SLC38A8: variants seen among roughly 807,000 people sequenced by gnomAD.
SLC38A8 encodes solute carrier family 38 member 8, also known as amino acid transporter SLC38A8.
A neutral mutation model predicts 46.0 loss-of-function variants in SLC38A8; 65 were observed. That is an observed-to-expected ratio of 1.41 (90% CI 1.16 to 1.74). SLC38A8 has a LOEUF of 1.74. Ranked by LOEUF, SLC38A8 falls within the 40% of genes most tolerant of loss-of-function variation. The pLI is 0.00. For synonymous variants in SLC38A8, 447 were observed against 243.7 expected, an observed-to-expected ratio of 1.83 and a Z score of -7.77; for missense variants, 998 against 567.9, an observed-to-expected ratio of 1.76 and a Z score of -7.70.
intron 7 of SLC38A8, among the ~76,000 whole-genome samples, chr16:84,019,173 C>G (rs2085067717): frequency 1.3e-5 from 2 of 151,950 alleles, no homozygotes; most frequent in African/African-American, 2.4e-5. Context: ...CTTCCAGGTT[C>G]AAGCGATTAT....
rs540722542 is a variant in SLC38A8 at position 84,035,116 on chromosome 16, C to T, written c.388+1586G>A. Among the ~76,000 whole-genome samples the T allele has an allele frequency of 3.7e-4, 56 of 152,352 alleles. 1 individual carries two copies. The highest frequency in any genetic ancestry group is 3.4e-3 in the Middle Eastern group (1 of 294). On this transcript the variant is annotated intron_variant, in intron 3 of 10. Coordinates refer to ENST00000299709, the MANE Select transcript of SLC38A8 (RefSeq NM_001080442.3). The stretch of plus-strand genomic sequence containing the variant: ...CCAGACCTGGGGTGGCCCGTATCCT[C>T]ATCCGTCCTCTGACTAGTCAGGGGG...
chr16:84,028,548 A>G (rs889735927), intron 6 of SLC38A8, among the ~76,000 whole-genome samples: 9 of 149,676 alleles, frequency 6.0e-5, no homozygotes, highest in Admixed American at 5.4e-4. Context: ...GGCAATAAGA[A>G]TGAGACTCCA....
intron 6 of SLC38A8, among the ~76,000 whole-genome samples, chr16:84,024,939 G>C (rs1035945705): frequency 2.0e-5 from 3 of 152,050 alleles, no homozygotes; most frequent in East Asian, 2.0e-4. Flanking sequence ...CCTCGGCCTC[G>C]CAAAGTGCTG....
chr16:84,017,537 C>T lies in SLC38A8; in HGVS notation c.806-250G>A, dbSNP rs766855801. ...TCAAATCGCTCACAGAGCTGGTGCA[C>T]GGAGCTCACCCACAGTGCGTGTGTT... On this transcript the variant is annotated intron_variant, in intron 7 of 10. Transcript: ENST00000299709. 2.0e-5 allele frequency among the ~76,000 whole-genome samples: 3 copies of T among 152,184 alleles called. No homozygotes were observed. The South Asian group carries it at 6.2e-4, about 32-fold the overall frequency.
At chr16:84,034,467 G>T (rs538569748) in intron 3 of SLC38A8, among the ~76,000 whole-genome samples, 1 of 152,300 alleles carries the variant, frequency 6.6e-6, no homozygotes, top group South Asian at 2.1e-4. Flanking sequence ...TGGGAGGGTG[G>T]TTGGAGGTGG....
chr16:84,022,482 G>A (rs551571402), intron 7 of SLC38A8, among the ~76,000 whole-genome samples: 29 of 152,352 alleles, frequency 1.9e-4, no homozygotes, highest in African/African-American at 5.8e-4. Context: ...CAGCAGGGCT[G>A]GGGTGTGGTG....
At chr16:84,034,881 C>A (rs1016924720) in intron 3 of SLC38A8, among the ~76,000 whole-genome samples, 2 of 152,054 alleles carry the variant, frequency 1.3e-5, no homozygotes, top group Non-Finnish European at 2.9e-5. Flanking sequence ...CAGGACTGTA[C>A]CAGCTCCTTC....
Position 84,036,687 on chromosome 16 carries a change from C to A in SLC38A8, c.388+15G>T, listed in dbSNP as rs1413317647. The A allele has an allele frequency of 1.2e-6, 2 of 1,613,826 alleles. No individual in the cohort carries two copies. The highest frequency in any genetic ancestry group is 1.7e-6 in the Non-Finnish European group (2 of 1,180,006). The stretch of plus-strand genomic sequence containing the variant: ...CGGCACCCTGGGCCACCCCGAGTCC[C>A]ATGAAGGTACTTACGCTTCTCCAGC... On this transcript the variant is annotated intron_variant, in intron 3 of 10. Transcript: ENST00000299709.
At chr16:84,026,048 C>A (rs1012219096) in intron 6 of SLC38A8, among the ~76,000 whole-genome samples, 1 of 152,266 alleles carries the variant, frequency 6.6e-6, no homozygotes, top group Admixed American at 6.5e-5. Flanking sequence ...CCATGGCAGG[C>A]TCTGCCTTCA....
At chr16:84,011,290 A>G (rs1296609078) in intron 10 of SLC38A8, among the ~76,000 whole-genome samples, 1 of 152,246 alleles carries the variant, frequency 6.6e-6, no homozygotes, top group African/African-American at 2.4e-5. Context: ...AGCTCAGATC[A>G]AGGAACAAAA....
chr16:84,020,130 C>T (rs2085078185), intron 7 of SLC38A8, among the ~76,000 whole-genome samples: 1 of 147,976 alleles, frequency 6.8e-6, no homozygotes, highest in African/African-American at 2.5e-5. Flanking sequence ...ACGCTTTCCA[C>T]AACATCCGTT....
chr16:84,034,313 G>C (rs928822811), intron 3 of SLC38A8, among the ~76,000 whole-genome samples: 2 of 152,240 alleles, frequency 1.3e-5, no homozygotes, highest in Non-Finnish European at 2.9e-5. Context: ...CTAATTCAAA[G>C]GCAAGGGACA....
At chr16:84,023,425 T>C (rs184330983) in intron 6 of SLC38A8, among the ~76,000 whole-genome samples, 42 of 152,272 alleles carry the variant, frequency 2.8e-4, no homozygotes, top group African/African-American at 1.0e-3. Context: ...ATCCTTTCAG[T>C]GTTCCGTTTT....
chr16:84,033,332 T>C lies in SLC38A8; in HGVS notation c.526A>G (p.Thr176Ala), dbSNP rs1298779727. ...APREIAFQKY[T>A]SILGTLAACY... ...AGGCAGCATCCCAGCCCTTACCTTGTGTATTTCTGGAAGGCGATCTCCCGC... is the reference window on the plus strand; with the variant it reads ...AGGCAGCATCCCAGCCCTTACCTTGCGTATTTCTGGAAGGCGATCTCCCGC... The change falls in exon 4 of 11, where the codon ACA (threonine) becomes GCA (alanine). Residue 176 changes from threonine (T) to alanine (A), a missense_variant. Thr to Ala is a moderately conservative substitution (Grantham distance 58). Coordinates refer to ENST00000299709, the MANE Select transcript of SLC38A8 (RefSeq NM_001080442.3). 1.2e-6 allele frequency: 2 copies of C among 1,614,004 alleles called. No individual in the cohort carries two copies. The highest frequency in any genetic ancestry group is 1.7e-6 in the Non-Finnish European group (2 of 1,179,990).
chr16:84,022,012 T>G (rs961970295), intron 7 of SLC38A8, among the ~76,000 whole-genome samples: 1 of 152,218 alleles, frequency 6.6e-6, no homozygotes, highest in Non-Finnish European at 1.5e-5. Context: ...ATGAATAGAT[T>G]AATCCATTCT....
At chr16:84,031,311 G>C (rs1306026388) in intron 5 of SLC38A8, among the ~76,000 whole-genome samples, 1 of 152,134 alleles carries the variant, frequency 6.6e-6, no homozygotes, top group East Asian at 1.9e-4. Flanking sequence ...AAAGTGCTGG[G>C]ATCACAACTA....
chr16:84,029,637 C>A, intron 5 of SLC38A8, 86 bp from the exon 6 acceptor site: 1 of 1,342,874 alleles, frequency 7.4e-7, no homozygotes, highest in East Asian at 2.3e-5. Context: ...TTAAAGGATG[C>A]TGGGAAAATG....
intron 6 of SLC38A8, among the ~76,000 whole-genome samples, chr16:84,029,125 G>A (rs1250798035): frequency 6.6e-6 from 1 of 152,156 alleles, no homozygotes; most frequent in Non-Finnish European, 1.5e-5. Flanking sequence ...AGAGTTAGGT[G>A]GGCAGCTTAG....
chr16:84,023,099 C>T (rs970174624), intron 6 of SLC38A8, among the ~76,000 whole-genome samples: 1 of 152,168 alleles, frequency 6.6e-6, no homozygotes, highest in Admixed American at 6.6e-5. Context: ...CATGCCCAAA[C>T]ACGCCACAGT....
Sources: allele counts gnomAD v4.1 joint callset (sites outside exome capture counted in the v4.1 genomes callset), GRCh38; gene constraint gnomAD v4.1.1; transcripts MANE v1.5; gene names NCBI Gene and HGNC (gene_info 2026-07-23, HGNC 2026-07-21).